ADCY3: variants seen among roughly 807,000 people sequenced by gnomAD.
ADCY3 encodes adenylate cyclase type 3.
ADCY3 carries 70 observed loss-of-function variants against 119.4 expected under a neutral mutation model. That is an observed-to-expected ratio of 0.59 (90% CI 0.48 to 0.72). The LOEUF (loss-of-function observed/expected upper bound fraction) is 0.72, where lower values mean the gene tolerates loss of function less well. ADCY3 is among the 30% of genes least tolerant of loss of function. The pLI is 0.00. For synonymous variants in ADCY3, 672 were observed against 621.4 expected (o/e 1.08, Z -1.21); for missense variants, 1,238 against 1,541.6 (o/e 0.80, Z 3.30).
At chr2:24,827,171 G>T (rs1292092402) in intron 15 of ADCY3, among the ~76,000 whole-genome samples, 2 of 152,134 alleles carry the variant, frequency 1.3e-5, no homozygotes, top group African/African-American at 4.8e-5. Context: ...AGAACTTCTG[G>T]TTCAGTATCC....
intron 15 of ADCY3, 114 bp from the exon 16 acceptor site, chr2:24,826,240 C>T (rs1020280066): frequency 1.1e-6 from 1 of 927,686 alleles, no homozygotes; most frequent in African/African-American, 1.7e-5. Flanking sequence ...AGAGCTCACC[C>T]CGGCTCCTTA....
chr2:24,877,881 G>A (rs749043585), intron 2 of ADCY3: 1 of 471,192 alleles, frequency 2.1e-6, no homozygotes, highest in South Asian at 1.5e-5. Context: ...GTACCTGGGA[G>A]CTGACTGCAC....
chr2:24,834,448 CGAGGAAACTCGTGG>C lies in ADCY3; in HGVS notation c.1967+23_1967+36del. On this transcript the variant is annotated intron_variant, in intron 11 of 21. Transcript: ENST00000679454. The surrounding 1 kb of genome is among the most constrained non-coding windows in gnomAD (Gnocchi z 4.2). ...GCCCCCCGCCCGGCACCACCGCAGC[CGAGGAAACTCGTGG>C]CCCTCCCCGGCCCCTCCCTCACCAG... The C allele has an allele frequency of 1.9e-6, 3 of 1,548,458 alleles. No individual in the cohort carries two copies. Among genetic ancestry groups the C allele is most frequent in the South Asian group, 1.2e-5 (1 of 86,790 alleles).
At chr2:24,836,715 G>A (rs1225479870) in intron 9 of ADCY3, among the ~76,000 whole-genome samples, 11 of 152,150 alleles carry the variant, frequency 7.2e-5, no homozygotes, top group South Asian at 4.1e-4. Flanking sequence ...TACTCACCCC[G>A]GCATGTAACT....
Position 24,872,695 on chromosome 2 carries a change from G to A in ADCY3, c.700C>T (p.Leu234=), listed in dbSNP as rs1352152974. The change falls in exon 3 of 22, where the codon CTG becomes TTG. Residue 234 remains leucine (L), a synonymous_variant. Coordinates refer to ENST00000679454, the MANE Select transcript of ADCY3 (RefSeq NM_004036.5). The surrounding 1 kb of genome is among the most constrained non-coding windows in gnomAD (Gnocchi z 4.4). ...ATGATGCCCACAGCGATGGCGCACA[G>A]GTAGAGGAAGACGTTGGCCAGGATC... ...REILANVFLY[L]CAIAVGIMSY... 2.2e-5 allele frequency: 36 copies of A among 1,614,032 alleles called. No individual in the cohort carries two copies. The East Asian group carries it at 7.8e-4, about 35-fold the overall frequency.
At chr2:24,880,564 A>G (rs2148870631) in intron 2 of ADCY3, among the ~76,000 whole-genome samples, 1 of 152,376 alleles carries the variant, frequency 6.6e-6, no homozygotes, top group East Asian at 1.9e-4. Flanking sequence ...CTTAGCAGAA[A>G]TAATATTTCA....
Position 24,822,544 on chromosome 2 carries a change from A to G in ADCY3, c.2970T>C (p.Asp990=), listed in dbSNP as rs79421293. 4 of 1,613,788 alleles carry G rather than the reference A, an allele frequency of 2.5e-6. No individual in the cohort carries two copies. Among genetic ancestry groups the G allele is most frequent in the Non-Finnish European group, 3.4e-6 (4 of 1,179,894 alleles). ...TYMAASGVTP[D]VNTNGFASSN... ...AGCTGGCAAAGCCATTGGTGTTGACATCGGGGGTGACTCCTGAAGCCGCCA... is the reference window on the plus strand; with the variant it reads ...AGCTGGCAAAGCCATTGGTGTTGACGTCGGGGGTGACTCCTGAAGCCGCCA... Residue 990 remains aspartate, a synonymous_variant, in exon 19 of 22, where the codon GAT becomes GAC. Coordinates refer to ENST00000679454, the MANE Select transcript of ADCY3 (RefSeq NM_004036.5).
At position 24,840,061 on chromosome 2, in the gene ADCY3, G is replaced by A. The variant is rs1019396725; in HGVS notation, c.1197-30C>T. 4 of 1,585,916 alleles carry A rather than the reference G, an allele frequency of 2.5e-6. No homozygotes were observed. In the Admixed American group the frequency reaches 5.1e-5, roughly 20 times the overall value. The stretch of plus-strand genomic sequence containing the variant: ...CAGGTACACACAGAAAGGAGGGTCA[G>A]GGTGTGGCCTTCACGAGGCAGCCAG... On this transcript the variant is annotated intron_variant, in intron 6 of 21. Coordinates refer to ENST00000679454, the MANE Select transcript of ADCY3 (RefSeq NM_004036.5).
chr2:24,820,319 C>T (rs1054228242), intron 21 of ADCY3: 1 of 1,304,728 alleles, frequency 7.7e-7, no homozygotes, highest in East Asian at 3.0e-5. Flanking sequence ...TGGCTGGGGG[C>T]CTCCTCTCAT....
chr2:24,878,596 A>ACT lies in ADCY3; in HGVS notation c.676-5879_676-5878dup, dbSNP rs1676004921. On this transcript the variant is annotated intron_variant, in intron 2 of 21. Transcript: ENST00000679454. This position sits in a 1 kb window ranked among gnomAD's most constrained non-coding sequence, Gnocchi z 4.0. ...CACGGGAAACTCGTCATTAAAACTT[A>ACT]CTCAGATGCTTTAGGAAAAAGTCTC... Among the ~76,000 whole-genome samples the ACT allele has an allele frequency of 6.6e-6, 1 of 151,762 alleles. No individual in the cohort carries two copies. The highest frequency in any genetic ancestry group is 1.5e-5 in the Non-Finnish European group (1 of 67,976).
At chr2:24,853,251 C>T (rs1359623911) in intron 3 of ADCY3, among the ~76,000 whole-genome samples, 5 of 152,046 alleles carry the variant, frequency 3.3e-5, no homozygotes, top group East Asian at 1.9e-4. Flanking sequence ...CCTCAGGACA[C>T]GACGTATGGC....
chr2:24,903,380 C>T (rs959727551), intron 2 of ADCY3, among the ~76,000 whole-genome samples: 1 of 152,036 alleles, frequency 6.6e-6, no homozygotes, highest in African/African-American at 2.4e-5. Flanking sequence ...CTTCCACAAC[C>T]GTCTGTCTCG....
chr2:24,912,567 GCA>G (rs10565117), intron 2 of ADCY3, among the ~76,000 whole-genome samples: 59 of 70,992 alleles, frequency 8.3e-4, no homozygotes, highest in East Asian at 2.5e-3. Context: ...GTGTGTGTGT[GCA>G]TGTGTGTGTG....
chr2:24,892,063 A>G (rs1318951975), intron 2 of ADCY3, among the ~76,000 whole-genome samples: 1 of 152,210 alleles, frequency 6.6e-6, no homozygotes, highest in Non-Finnish European at 1.5e-5. Context: ...TGCTAATTTC[A>G]GCATGTTGTT....
At chr2:24,897,986 C>A (rs758664573) in intron 2 of ADCY3, among the ~76,000 whole-genome samples, 3 of 152,196 alleles carry the variant, frequency 2.0e-5, no homozygotes, top group Non-Finnish European at 2.9e-5. Context: ...TGGCTGTCCA[C>A]TGTCTACAAA....
chr2:24,916,118 T>C (rs7593130), intron 2 of ADCY3, among the ~76,000 whole-genome samples: 48,868 of 152,196 alleles, frequency 0.32, 8,998 homozygotes, highest in African/African-American at 0.52. Context: ...TCCCCTGGGA[T>C]GCTAATATTT....
At chr2:24,913,084 C>T (rs1187613736) in intron 2 of ADCY3, among the ~76,000 whole-genome samples, 1 of 152,238 alleles carries the variant, frequency 6.6e-6, no homozygotes, top group African/African-American at 2.4e-5. Context: ...TTTCCCGTCC[C>T]GGGTCAGTGG....
At chr2:24,886,463 G>A (rs145494089) in intron 2 of ADCY3, among the ~76,000 whole-genome samples, 145 of 152,126 alleles carry the variant, frequency 9.5e-4, no homozygotes, top group Middle Eastern at 3.4e-3. Context: ...ACCTCCACCC[G>A]GACCTTGCAA....
At chr2:24,885,059 C>T (rs915053870) in intron 2 of ADCY3, among the ~76,000 whole-genome samples, 5 of 152,356 alleles carry the variant, frequency 3.3e-5, no homozygotes, top group South Asian at 2.1e-4. Context: ...CCTCTCAATG[C>T]ACTCTCTTAG....
Sources: allele counts gnomAD v4.1 joint callset (sites outside exome capture counted in the v4.1 genomes callset), GRCh38; gene constraint gnomAD v4.1.1; non-coding constraint Gnocchi (gnomAD v3.1); transcripts MANE v1.5; gene names NCBI Gene and HGNC (gene_info 2026-07-23, HGNC 2026-07-21).